The following F8 variants were observed in gnomAD, a reference collection of about 807,000 sequenced individuals.
F8 encodes antihemophilic factor.
In F8, 12 loss-of-function variants were observed where a neutral mutation model predicts 140.6. That is an observed-to-expected ratio of 0.09 (90% confidence interval 0.05 to 0.14). The LOEUF (loss-of-function observed/expected upper bound fraction) is 0.14. Ranked by LOEUF, F8 falls within the 10% of genes least tolerant of loss-of-function variation. F8 has a pLI of 1.00. For missense variants in F8, 1,354 were observed against 1,720.7 expected (o/e 0.79, Z 3.77); for synonymous variants, 585 against 614.6 (o/e 0.95, Z 0.71).
rs192915526 is a variant in F8, at chrX:154,931,011, T to C, written c.2779A>G (p.Ser927Gly). The C allele has an allele frequency of 2.5e-5, 30 of 1,190,418 alleles. No homozygotes were observed. The African/African-American group carries it at 5.1e-4, about 20-fold the overall frequency. The change falls in exon 14 of 26, where the codon AGT becomes GGT. Residue 927 changes from serine to glycine, a missense_variant. Around this residue, in one of 4 missense-constraint regions of F8, gnomAD observed 658 missense variants for 666.5 expected, o/e 0.99. Transcript: ENST00000360256. ...TDNTSSLGPP[S>G]MPVHYDSQLD... ...TGACTATCATAATGAACTGGCATACTTGGGGGTCCTAAGGAACTTGTATTA... is the reference window on the plus strand; with the variant it reads ...TGACTATCATAATGAACTGGCATACCTGGGGGTCCTAAGGAACTTGTATTA...
At position 154,975,964 on chromosome X, in the gene F8, C is replaced by T. The variant is rs111388084; in HGVS notation, c.788-6412G>A. On this transcript the variant is annotated intron_variant, in intron 6 of 25. Coordinates refer to ENST00000360256, the MANE Select transcript of F8 (RefSeq NM_000132.4). ...AGGCTGGAGTGCAGCGGTGCAATGT[C>T]GGCTCACTGCAAGCTCCGCCTCCCG... Among the ~76,000 whole-genome samples, 367 of 111,545 alleles carry T rather than the reference C, an allele frequency of 3.3e-3. 2 individuals carry two copies. The highest frequency in any genetic ancestry group is 0.011 in the African/African-American group (348 of 30,701).
chrX:154,929,093 A>G lies in F8; in HGVS notation c.4697T>C (p.Leu1566Pro). The G allele has an allele frequency of 8.3e-7, 1 of 1,211,806 alleles. No individual in the cohort carries two copies. Among genetic ancestry groups the G allele is most frequent in the Non-Finnish European group, 1.1e-6 (1 of 895,528 alleles). Residue 1566 changes from leucine to proline, a missense_variant, in exon 14 of 26, where the codon CTG (leucine) becomes CCG (proline). Leu to Pro is a moderately conservative substitution (Grantham distance 98, BLOSUM62 -3). Coordinates refer to ENST00000360256, the MANE Select transcript of F8 (RefSeq NM_000132.4). ...EANRPGKVPFLRVATESSAKT... is the reference protein window; with the variant it reads ...EANRPGKVPFPRVATESSAKT... The stretch of plus-strand genomic sequence containing the variant: ...TGCAGAGCTTTCTGTTGCTACTCTC[A>G]GAAAGGGAACTTTTCCAGGTCTGTT...
Position 154,864,105 on chromosome X carries a change from C to T in F8, c.6430-878G>A, listed in dbSNP as rs180881567. Among the ~76,000 whole-genome samples, 3 of 112,671 alleles carry T rather than the reference C, an allele frequency of 2.7e-5. No individual in the cohort carries two copies. The East Asian group carries it at 8.3e-4, about 31-fold the overall frequency. On this transcript the variant is annotated intron_variant, in intron 22 of 25. Transcript: ENST00000360256. ...CCTGACTGTGGACTCAGAAGTAACC[C>T]TGTGAGCCAACTCCAGTCTTGCTGT...
chrX:154,872,717 A>C (rs1245774130), intron 22 of F8, among the ~76,000 whole-genome samples: 3 of 111,676 alleles, frequency 2.7e-5, no homozygotes, highest in Non-Finnish European at 5.6e-5. Flanking sequence ...AAATAAAATA[A>C]AAAGCATCCA....
chrX:154,890,511 T>C (rs2072935800), intron 22 of F8, among the ~76,000 whole-genome samples: 1 of 112,445 alleles, frequency 8.9e-6, no homozygotes, highest in Non-Finnish European at 1.9e-5. Flanking sequence ...AAACAGCTCT[T>C]TCAAAACCAC....
At chrX:154,870,542 T>C (rs1301162800) in intron 22 of F8, among the ~76,000 whole-genome samples, 1 of 111,919 alleles carries the variant, frequency 8.9e-6, no homozygotes, top group Non-Finnish European at 1.9e-5. Flanking sequence ...CGGTGGAACA[T>C]ATCTCAAAAT....
intron 22 of F8, among the ~76,000 whole-genome samples, chrX:154,875,294 G>A (rs1177104212): frequency 1.8e-5 from 2 of 111,412 alleles, no homozygotes; most frequent in Admixed American, 1.9e-4. Flanking sequence ...GAGATCTAAT[G>A]TACGATATAG....
At chrX:154,847,817 C>T (rs1171903129) in intron 25 of F8, among the ~76,000 whole-genome samples, 5 of 113,113 alleles carry the variant, frequency 4.4e-5, no homozygotes, top group Admixed American at 9.3e-5. Flanking sequence ...AGCTTTGTTC[C>T]GTTGCTGGCG....
At chrX:155,018,940 C>T (rs1200235087) in intron 1 of F8, among the ~76,000 whole-genome samples, 4 of 111,926 alleles carry the variant, frequency 3.6e-5, no homozygotes, top group African/African-American at 6.5e-5. Context: ...TTTGATAAAG[C>T]CAACAAAACT....
intron 22 of F8, among the ~76,000 whole-genome samples, chrX:154,867,834 C>A (rs1156347736): frequency 1.8e-5 from 2 of 110,851 alleles, no homozygotes; most frequent in East Asian, 2.8e-4. Flanking sequence ...TTAAAAGGAT[C>A]ATTCATCATG....
intron 1 of F8, among the ~76,000 whole-genome samples, chrX:155,001,804 T>C (rs782059014): frequency 1.8e-5 from 2 of 110,373 alleles, no homozygotes; most frequent in African/African-American, 6.6e-5. Flanking sequence ...CTTAGCTGCT[T>C]TGGTGCCTGG....
At chrX:154,914,913 C>T (rs192132973) in intron 14 of F8, among the ~76,000 whole-genome samples, 1 of 111,660 alleles carries the variant, frequency 9.0e-6, no homozygotes, top group Non-Finnish European at 1.9e-5. Context: ...GCCCCCCCTA[C>T]CTCGGTACCA....
At chrX:154,890,351 A>G (rs1557275087) in intron 22 of F8, among the ~76,000 whole-genome samples, 6 of 112,411 alleles carry the variant, frequency 5.3e-5, no homozygotes, top group Non-Finnish European at 3.8e-5. Context: ...TCATGAGAGT[A>G]GTTAATAACT....
chrX:154,919,147 T>A (rs1423500597), intron 14 of F8: 1 of 111,889 alleles, frequency 8.9e-6, no homozygotes, highest in African/African-American at 3.3e-5. Context: ...ACTTGTGTTA[T>A]GACAGCAAAC....
In F8 at chrX:154,997,080, G is replaced by A. The variant is rs782288296; in HGVS notation, c.281C>T (p.Thr94Ile). Residue 94 changes from threonine to isoleucine, a missense_variant, in exon 3 of 26, where the codon ACC becomes ATC. Thr to Ile is a moderately conservative substitution (Grantham distance 89). Around this residue, in one of 4 missense-constraint regions of F8, gnomAD observed 128 missense variants for 230.4 expected, o/e 0.56. Coordinates refer to ENST00000360256, the MANE Select transcript of F8 (RefSeq NM_000132.4). ...TGTATCATAAACCTCAGCCTGGATG[G>A]TAGGACCTAGCAGACCTGTAAGAAT... Reference protein sequence around the residue: ...RPPWMGLLGPTIQAEVYDTVV... With the variant: ...RPPWMGLLGPIIQAEVYDTVV... 9.9e-6 allele frequency: 12 copies of A among 1,209,887 alleles called. No individual in the cohort carries two copies. Among genetic ancestry groups the A allele is most frequent in the South Asian group, 1.8e-5 (1 of 56,816 alleles).
At chrX:154,893,698 T>C (rs1557275357) in intron 22 of F8, among the ~76,000 whole-genome samples, 1 of 111,640 alleles carries the variant, frequency 9.0e-6, no homozygotes, top group Admixed American at 9.5e-5. Context: ...ACCTTATATG[T>C]CATGATTTAC....
intron 22 of F8, 127 bp downstream of exon 22, chrX:154,895,950 G>T: frequency 1.5e-6 from 1 of 671,689 alleles, no homozygotes; most frequent in Non-Finnish European, 2.4e-6. Flanking sequence ...TAACTCTATT[G>T]CTCATAAGTG....
Position 154,928,981 on chromosome X carries a change from C to T in F8, c.4809G>A (p.Glu1603=). The change falls in exon 14 of 26, where the codon GAG becomes GAA. Residue 1603 remains glutamate (E), a synonymous_variant. Coordinates refer to ENST00000360256, the MANE Select transcript of F8 (RefSeq NM_000132.4). ...QIPKEEWKSQ[E]KSPEKTAFKK... ...TAAAAGCTGTTTTTTCTGGTGACTT[C>T]TCTTGGGATTTCCACTCTTCTTTTG... The T allele has an allele frequency of 8.3e-7, 1 of 1,211,790 alleles. No homozygotes were observed. Among genetic ancestry groups the T allele is most frequent in the Non-Finnish European group, 1.1e-6 (1 of 895,503 alleles).
chrX:155,008,274 G>A (rs1325067147), intron 1 of F8, among the ~76,000 whole-genome samples: 3 of 111,820 alleles, frequency 2.7e-5, no homozygotes, highest in Non-Finnish European at 5.7e-5. Flanking sequence ...GGCAGCAAAA[G>A]AACTCTGATT....
Sources: gnomAD v4.1 joint callset for allele counts (sites outside exome capture counted in the v4.1 genomes callset) on GRCh38, gnomAD v4.1.1 for gene constraint, gnomAD v4.1.1 regional missense constraint, MANE v1.5 for transcripts, NCBI Gene and HGNC (gene_info 2026-07-23, HGNC 2026-07-21) for gene names.